Variants in GALNT13 observed in about 807,000 individuals in gnomAD.
The protein encoded by GALNT13 is UDP-GalNAc:polypeptide N-acetylgalactosaminyltransferase 13.
GALNT13 carries 28 observed loss-of-function variants against 64.2 expected under a neutral mutation model. The observed-to-expected ratio is 0.44, with a 90% CI of 0.32 to 0.60. The LOEUF is 0.60. Ranked by LOEUF, GALNT13 falls within the 20% of genes least tolerant of loss-of-function variation. GALNT13 has a pLI of 0.05. For missense variants in GALNT13, 577 were observed against 669.8 expected, an observed-to-expected ratio of 0.86 and a Z score of 1.53; for synonymous variants, 214 against 224.6, an observed-to-expected ratio of 0.95 and a Z score of 0.42.
the GALNT13 span, among the ~76,000 whole-genome samples, chr2:153,572,613 G>C: frequency 6.6e-6 from 1 of 151,828 alleles, no homozygotes; most frequent in Non-Finnish European, 1.5e-5. Flanking sequence ...TGCTTTTGCT[G>C]TATCCCATAG....
At chr2:154,289,497 A>G (rs1367402256) in intron 8 of GALNT13, among the ~76,000 whole-genome samples, 1 of 152,186 alleles carries the variant, frequency 6.6e-6, no homozygotes, top group African/African-American at 2.4e-5. Flanking sequence ...CAGGCAAGAC[A>G]GCTTGTGTAG....
At chr2:154,407,454 A>C (rs112805824) in intron 10 of GALNT13, among the ~76,000 whole-genome samples, 168 of 152,236 alleles carry the variant, frequency 1.1e-3, no homozygotes, top group African/African-American at 3.8e-3. Flanking sequence ...TATTTACTAC[A>C]TCATACTACA....
At chr2:153,923,554 A>G (rs985407113) in intron 2 of GALNT13, among the ~76,000 whole-genome samples, 1 of 150,234 alleles carries the variant, frequency 6.7e-6, no homozygotes, top group Non-Finnish European at 1.5e-5. Flanking sequence ...ATTTTTTTTT[A>G]TTATACTTTA....
At chr2:153,264,717 C>T in the GALNT13 span, among the ~76,000 whole-genome samples, 1 of 152,172 alleles carries the variant, frequency 6.6e-6, no homozygotes, top group East Asian at 1.9e-4. Context: ...CCAAACACTG[C>T]TTGTACTCAC....
the GALNT13 span, among the ~76,000 whole-genome samples, chr2:153,825,910 C>A: frequency 0.42 from 63,697 of 151,734 alleles, 14,353 homozygotes; most frequent in Admixed American, 0.58. Context: ...TCACTTATAG[C>A]AGATACTTGA....
chr2:153,336,395 C>T, the GALNT13 span, among the ~76,000 whole-genome samples: 1 of 152,078 alleles, frequency 6.6e-6, no homozygotes, highest in African/African-American at 2.4e-5. Context: ...ACGTAGCTGC[C>T]CAAGACCATG....
At chr2:153,722,804 A>G in the GALNT13 span, among the ~76,000 whole-genome samples, 1 of 152,000 alleles carries the variant, frequency 6.6e-6, no homozygotes, top group Admixed American at 6.5e-5. Flanking sequence ...AAATTGTGGC[A>G]ATAATCAATA....
the GALNT13 span, among the ~76,000 whole-genome samples, chr2:153,837,934 T>C: frequency 6.6e-6 from 1 of 152,064 alleles, no homozygotes; most frequent in African/African-American, 2.4e-5. Flanking sequence ...CAATATTTAT[T>C]ATCATTTGAC....
At chr2:153,138,508 T>A in the GALNT13 span, among the ~76,000 whole-genome samples, 1 of 152,070 alleles carries the variant, frequency 6.6e-6, no homozygotes, top group African/African-American at 2.4e-5. Flanking sequence ...TTTATTCTCT[T>A]AAACAATATC....
chr2:153,261,568 G>A, the GALNT13 span, among the ~76,000 whole-genome samples: 6 of 152,116 alleles, frequency 3.9e-5, no homozygotes, highest in Non-Finnish European at 7.4e-5. Context: ...GCCTGGATCT[G>A]GGGGAGAGGT....
chr2:153,684,584 A>T, the GALNT13 span, among the ~76,000 whole-genome samples: 5 of 151,876 alleles, frequency 3.3e-5, no homozygotes, highest in African/African-American at 1.2e-4. Context: ...CTCTCAAATT[A>T]TGTGTTTATT....
the GALNT13 span, among the ~76,000 whole-genome samples, chr2:153,433,539 A>G: frequency 3.9e-5 from 6 of 152,126 alleles, no homozygotes; most frequent in Admixed American, 3.3e-4. Flanking sequence ...AATATTAACT[A>G]TTCCACATAA....
At chr2:153,566,348 G>GTTTTTTT in the GALNT13 span, among the ~76,000 whole-genome samples, 1,123 of 74,606 alleles carry the variant, frequency 0.015, 144 homozygotes, top group African/African-American at 0.063. Context: ...TTCTAATCAC[G>GTTTTTTT]TTTTTTTTTT....
chr2:154,253,935 TA>T (rs1690225578), intron 7 of GALNT13, among the ~76,000 whole-genome samples: 1 of 152,098 alleles, frequency 6.6e-6, no homozygotes, highest in African/African-American at 2.4e-5. Flanking sequence ...AGTACACAAA[TA>T]AATATAATAC....
At chr2:153,230,170 C>T in the GALNT13 span, among the ~76,000 whole-genome samples, 5 of 152,244 alleles carry the variant, frequency 3.3e-5, no homozygotes, top group East Asian at 3.9e-4. Context: ...TTCCTCTGTG[C>T]GGAAGATTAG....
chr2:154,100,589 G>T (rs1034541134), intron 3 of GALNT13, among the ~76,000 whole-genome samples: 2 of 152,038 alleles, frequency 1.3e-5, no homozygotes, highest in Non-Finnish European at 2.9e-5. Flanking sequence ...CGTTTATCTA[G>T]TCAGGAGTCC....
intron 1 of GALNT13, among the ~76,000 whole-genome samples, chr2:153,872,725 A>G (rs1439753915): frequency 6.6e-6 from 1 of 150,890 alleles, no homozygotes; most frequent in Non-Finnish European, 1.5e-5. Context: ...CACCAGCTGC[A>G]GGCAGCCCCG....
intron 3 of GALNT13, among the ~76,000 whole-genome samples, chr2:154,102,374 GC>G (rs1230623188): frequency 1.3e-5 from 2 of 152,226 alleles, no homozygotes; most frequent in African/African-American, 4.8e-5. Context: ...TAATTCCACT[GC>G]CAGTAACACC....
chr2:154,176,159 T>C (rs1376536430), intron 4 of GALNT13, among the ~76,000 whole-genome samples: 1 of 151,972 alleles, frequency 6.6e-6, no homozygotes, highest in African/African-American at 2.4e-5. Context: ...GAATTTCCGG[T>C]TCTTTGTTAT....
Sources: allele counts gnomAD v4.1 joint callset (sites outside exome capture counted in the v4.1 genomes callset), GRCh38; gene constraint gnomAD v4.1.1; transcripts MANE v1.5; gene names NCBI Gene and HGNC (gene_info 2026-07-23, HGNC 2026-07-21).